RAB38: variants seen among roughly 807,000 people sequenced by gnomAD.
RAB38 encodes the protein RAB38, member RAS oncogene family, also known as ras-related protein Rab-38.
A neutral mutation model predicts 18.4 loss-of-function variants in RAB38; 15 were observed. The ratio of observed to expected loss-of-function variants is 0.82; its 90% CI spans 0.55 to 1.26. The LOEUF (loss-of-function observed/expected upper bound fraction) is 1.26, where lower values mean the gene tolerates loss of function less well. RAB38 is among the 50% of genes most tolerant of loss of function. The pLI is 0.00. For missense variants in RAB38, 294 were observed against 267.4 expected, an observed-to-expected ratio of 1.10 and a Z score of -0.69; for synonymous variants, 101 against 104.4, an observed-to-expected ratio of 0.97 and a Z score of 0.20.
At chr11:88,157,438 A>G (rs1451133355) in intron 1 of RAB38, among the ~76,000 whole-genome samples, 1 of 152,202 alleles carries the variant, frequency 6.6e-6, no homozygotes, top group Non-Finnish European at 1.5e-5. Context: ...ACAAATGAGC[A>G]AGGCAGAAAA....
chr11:88,105,708 C>T, the RAB38 span, among the ~76,000 whole-genome samples: 39 of 152,248 alleles, frequency 2.6e-4, no homozygotes, highest in Middle Eastern at 3.4e-3. Context: ...GCCAAAGACC[C>T]TGCATAGTTC....
the RAB38 span, among the ~76,000 whole-genome samples, chr11:88,017,284 T>C: frequency 6.6e-6 from 1 of 152,170 alleles, no homozygotes; most frequent in Admixed American, 6.6e-5. Context: ...AATGTACTTT[T>C]CAGTGGAGAA....
the RAB38 span, among the ~76,000 whole-genome samples, chr11:88,056,046 T>A: frequency 1.5e-4 from 23 of 152,160 alleles, no homozygotes; most frequent in East Asian, 1.9e-3. Context: ...GTGGGGGCAG[T>A]TTATACATAA....
intron 1 of RAB38, among the ~76,000 whole-genome samples, chr11:88,161,867 A>C (rs1220749593): frequency 6.6e-6 from 1 of 152,106 alleles, no homozygotes; most frequent in African/African-American, 2.4e-5. Context: ...CTCTATCTAA[A>C]TGATACATGT....
intron 2 of RAB38, among the ~76,000 whole-genome samples, chr11:88,146,897 T>C (rs1942994151): frequency 6.6e-6 from 1 of 152,228 alleles, no homozygotes; most frequent in Non-Finnish European, 1.5e-5. Flanking sequence ...ACAAAGCTTC[T>C]CTTCAAAGTT....
chr11:87,921,929 T>G, the RAB38 span, among the ~76,000 whole-genome samples: 1 of 152,078 alleles, frequency 6.6e-6, no homozygotes, highest in East Asian at 1.9e-4. Flanking sequence ...GGACTGTACT[T>G]GAGCAAAATC....
intron 2 of RAB38, among the ~76,000 whole-genome samples, chr11:88,143,902 G>C (rs948636863): frequency 5.9e-5 from 9 of 152,118 alleles, no homozygotes; most frequent in African/African-American, 2.2e-4. Flanking sequence ...TTGACGTAGG[G>C]AACCTCTAGA....
the RAB38 span, among the ~76,000 whole-genome samples, chr11:87,886,943 C>T: frequency 9.0e-4 from 135 of 150,784 alleles, no homozygotes; most frequent in Admixed American, 2.5e-3. Context: ...AAACAGAAAA[C>T]CATTTTCATC....
the RAB38 span, among the ~76,000 whole-genome samples, chr11:87,819,687 T>C: frequency 2.7e-5 from 4 of 146,306 alleles, no homozygotes; most frequent in Non-Finnish European, 4.5e-5. Flanking sequence ...TGTATATATA[T>C]ATATGTGTGT....
chr11:88,006,636 T>TAC, the RAB38 span, among the ~76,000 whole-genome samples: 2,397 of 147,166 alleles, frequency 0.016, 70 homozygotes, highest in East Asian at 0.13. Context: ...AATATATATA[T>TAC]ACACATATAG....
At chr11:88,166,494 T>A (rs1943245441) in intron 1 of RAB38, 1 of 152,176 alleles carries the variant, frequency 6.6e-6, no homozygotes, top group African/African-American at 2.4e-5. Context: ...GAGAAACTAA[T>A]GTCACCTCCC....
chr11:88,113,120 T>C (rs2134764663), downstream of RAB38: 1 of 152,526 alleles, frequency 6.6e-6, no homozygotes, highest in African/African-American at 2.4e-5. Flanking sequence ...CAGCAGTTTC[T>C]TTAAGCATAC....
the RAB38 span, among the ~76,000 whole-genome samples, chr11:88,066,244 T>G: frequency 6.6e-6 from 1 of 152,250 alleles, no homozygotes; most frequent in Admixed American, 6.5e-5. Context: ...ATTGAGGTAC[T>G]GTTTGTATAT....
At chr11:87,935,717 G>A in the RAB38 span, among the ~76,000 whole-genome samples, 6 of 151,958 alleles carry the variant, frequency 3.9e-5, no homozygotes, top group East Asian at 1.2e-3. Flanking sequence ...ATTACCATAA[G>A]GATCTCTCTT....
chr11:87,976,723 T>G, the RAB38 span, among the ~76,000 whole-genome samples: 1 of 117,036 alleles, frequency 8.5e-6, no homozygotes, highest in South Asian at 2.6e-4. Flanking sequence ...TATTTCTATA[T>G]ATTTTATATA....
At chr11:88,169,248 C>T (rs886151031) in intron 1 of RAB38, among the ~76,000 whole-genome samples, 14 of 152,190 alleles carry the variant, frequency 9.2e-5, no homozygotes, top group Admixed American at 8.5e-4. Flanking sequence ...AGAAAGTCCA[C>T]TGAATGTGGA....
chr11:88,076,793 C>CA, the RAB38 span, among the ~76,000 whole-genome samples: 22,655 of 128,154 alleles, frequency 0.18, 2,156 homozygotes, highest in South Asian at 0.35. Flanking sequence ...ACTTAAAATA[C>CA]AAAAAAAAAA....
the RAB38 span, among the ~76,000 whole-genome samples, chr11:88,079,816 C>T: frequency 6.6e-6 from 1 of 151,338 alleles, no homozygotes. Flanking sequence ...TCGGTAGATG[C>T]ACAAAAATCA....
At chr11:88,163,935 T>C (rs1943217139) in intron 1 of RAB38, among the ~76,000 whole-genome samples, 1 of 151,938 alleles carries the variant, frequency 6.6e-6, no homozygotes, top group African/African-American at 2.4e-5. Context: ...CAATGTAAGG[T>C]GCAACAGTGG....
Sources: gnomAD v4.1 joint callset for allele counts (sites outside exome capture counted in the v4.1 genomes callset) on GRCh38, gnomAD v4.1.1 for gene constraint, MANE v1.5 for transcripts, NCBI Gene and HGNC (gene_info 2026-07-23, HGNC 2026-07-21) for gene names.